The following MGAT4A variants were observed in gnomAD, a reference collection of about 807,000 sequenced individuals.
MGAT4A encodes alpha-1,3-mannosyl-glycoprotein 4-beta-N-acetylglucosaminyltransferase A.
MGAT4A carries 33 observed loss-of-function variants against 74.1 expected under a neutral mutation model. The observed-to-expected ratio is 0.45, with a 90% confidence interval of 0.34 to 0.60. The LOEUF (loss-of-function observed/expected upper bound fraction) is 0.60. Among genes scored for constraint, MGAT4A ranks in the 20% least tolerant of loss-of-function variants. MGAT4A has a pLI of 0.02. For synonymous variants in MGAT4A, 198 were observed against 210.4 expected (o/e 0.94, Z 0.51); for missense variants, 479 against 628.3 (o/e 0.76, Z 2.54).
chr2:98,636,369 C>T (rs989505736), intron 13 of MGAT4A, 148 bp downstream of exon 13: 19 of 602,876 alleles, frequency 3.2e-5, no homozygotes, highest in Admixed American at 8.9e-5. Flanking sequence ...TATAAAAGTG[C>T]TTCATATTTC....
At chr2:98,699,416 C>A (rs1033468391) in intron 2 of MGAT4A, among the ~76,000 whole-genome samples, 1 of 152,168 alleles carries the variant, frequency 6.6e-6, no homozygotes. Flanking sequence ...CAGCCGAGGA[C>A]CAGCCTTTCA....
intron 14 of MGAT4A, among the ~76,000 whole-genome samples, chr2:98,628,429 C>A (rs1456793525): frequency 6.6e-6 from 1 of 152,202 alleles, no homozygotes; most frequent in Non-Finnish European, 1.5e-5. Flanking sequence ...CTGCTATTAA[C>A]CATGATTTAA....
chr2:98,703,786 C>G (rs996783381), intron 2 of MGAT4A, among the ~76,000 whole-genome samples: 1 of 152,302 alleles, frequency 6.6e-6, no homozygotes, highest in East Asian at 1.9e-4. Context: ...CCACACTCAT[C>G]TGGCCTCAGG....
chr2:98,630,013 T>G (rs1345096507), intron 14 of MGAT4A, among the ~76,000 whole-genome samples: 2 of 152,200 alleles, frequency 1.3e-5, no homozygotes, highest in South Asian at 4.1e-4. Flanking sequence ...GCCACTGCAC[T>G]CTACCCTGGG....
At chr2:98,650,948 A>T (rs1428475587) in intron 8 of MGAT4A, among the ~76,000 whole-genome samples, 2 of 151,436 alleles carry the variant, frequency 1.3e-5, no homozygotes, top group Non-Finnish European at 2.9e-5. Flanking sequence ...ACTCCATCTC[A>T]AAAAAAAGGA....
intron 12 of MGAT4A, among the ~76,000 whole-genome samples, chr2:98,638,243 A>G (rs1314398062): frequency 6.6e-6 from 1 of 152,162 alleles, no homozygotes; most frequent in Non-Finnish European, 1.5e-5. Flanking sequence ...ATATATGTAA[A>G]ACATTGTTTT....
chr2:98,714,170 C>T (rs4295064), intron 2 of MGAT4A, among the ~76,000 whole-genome samples: 1 of 152,190 alleles, frequency 6.6e-6, no homozygotes, highest in Non-Finnish European at 1.5e-5. Flanking sequence ...TCACTGCCAC[C>T]TTCGCCTCCC....
At chr2:98,641,952 G>A (rs1236104873) in intron 10 of MGAT4A, among the ~76,000 whole-genome samples, 3 of 149,522 alleles carry the variant, frequency 2.0e-5, no homozygotes, top group East Asian at 3.9e-4. Flanking sequence ...CTGAGACTGC[G>A]CCATTGCACT....
intron 2 of MGAT4A, among the ~76,000 whole-genome samples, chr2:98,705,417 C>G (rs1169214438): frequency 6.6e-6 from 1 of 152,212 alleles, no homozygotes; most frequent in Non-Finnish European, 1.5e-5. Flanking sequence ...ACCACCGCCT[C>G]TCACTTCATG....
At chr2:98,641,878 A>C (rs1388563154) in intron 10 of MGAT4A, among the ~76,000 whole-genome samples, 1 of 151,776 alleles carries the variant, frequency 6.6e-6, no homozygotes, top group Admixed American at 6.6e-5. Flanking sequence ...CTGTAGTCCC[A>C]GCTACTCAGG....
intron 2 of MGAT4A, among the ~76,000 whole-genome samples, chr2:98,697,430 AG>A (rs765971014): frequency 1.3e-5 from 2 of 152,216 alleles, no homozygotes; most frequent in Non-Finnish European, 2.9e-5. Context: ...TCGACACCAC[AG>A]GGGAGATCTT....
At chr2:98,714,337 T>G (rs1702562187) in intron 2 of MGAT4A, among the ~76,000 whole-genome samples, 2 of 152,220 alleles carry the variant, frequency 1.3e-5, no homozygotes, top group African/African-American at 2.4e-5. Context: ...TCCACCTGCC[T>G]CAGCCTCCCA....
Position 98,621,608 on chromosome 2 carries a change from A to C in MGAT4A, c.*3958T>G. The C allele has an allele frequency of 1.3e-6, 2 of 1,513,248 alleles. No homozygotes were observed. Among genetic ancestry groups the C allele is most frequent in the Non-Finnish European group, 1.8e-6 (2 of 1,127,520 alleles). 93.7% of individuals were successfully genotyped at this position (1,513,248 alleles called of 1,614,324 possible). On this transcript the variant is annotated 3_prime_UTR_variant, in exon 16 of 16. Transcript: ENST00000393487. ...GATCAAACAGGTTCCACCCATGCTC[A>C]AAGTGGGAGGATATTATACAAGGTC...
chr2:98,672,909 C>T, intron 4 of MGAT4A, among the ~76,000 whole-genome samples: 1 of 152,092 alleles, frequency 6.6e-6, no homozygotes, highest in East Asian at 1.9e-4. Flanking sequence ...TATGTTGATG[C>T]TTTATTTTTA....
At chr2:98,726,870 A>G (rs891727361) in intron 1 of MGAT4A, 3 of 152,430 alleles carry the variant, frequency 2.0e-5, no homozygotes. Context: ...CAAGATGAGA[A>G]CTCTAATGAT....
At position 98,663,349 on chromosome 2, in the gene MGAT4A, C is replaced by A. The variant is rs76878531; in HGVS notation, c.404-170G>T. On this transcript the variant is annotated intron_variant, in intron 4 of 15. Coordinates refer to ENST00000393487, the MANE Select transcript of MGAT4A (RefSeq NM_012214.3). Reference sequence around the variant, plus strand: ...AGAATACAAGGGCATACCTGTAATACTGTAATTCATTTTCACATGGCTTAA... The same window carrying A: ...AGAATACAAGGGCATACCTGTAATAATGTAATTCATTTTCACATGGCTTAA... The A allele has an allele frequency of 0.011, 17,030 of 1,530,072 alleles. 455 individuals carry two copies. The highest frequency in any genetic ancestry group is 0.079 in the East Asian group (3,193 of 40,670). 94.8% of individuals were successfully genotyped at this position (1,530,072 alleles called of 1,614,324 possible).
chr2:98,651,008 T>C (rs1701570118), intron 8 of MGAT4A, among the ~76,000 whole-genome samples: 1 of 151,644 alleles, frequency 6.6e-6, no homozygotes, highest in South Asian at 2.1e-4. Flanking sequence ...GAGGTTGCAG[T>C]GAGCTGGGAT....
At chr2:98,659,105 C>T (rs995428395) in intron 5 of MGAT4A, among the ~76,000 whole-genome samples, 2 of 152,176 alleles carry the variant, frequency 1.3e-5, no homozygotes, top group African/African-American at 2.4e-5. Flanking sequence ...GAAGAGGTGA[C>T]GTTCAACAGT....
At chr2:98,724,848 C>A (rs1156252892) in intron 2 of MGAT4A, among the ~76,000 whole-genome samples, 1 of 151,628 alleles carries the variant, frequency 6.6e-6, no homozygotes, top group Non-Finnish European at 1.5e-5. Flanking sequence ...CATAAACAGA[C>A]TTTTAATAGC....
Sources: gnomAD v4.1 joint callset for allele counts (sites outside exome capture counted in the v4.1 genomes callset) on GRCh38, gnomAD v4.1.1 for gene constraint, MANE v1.5 for transcripts, NCBI Gene and HGNC (gene_info 2026-07-23, HGNC 2026-07-21) for gene names.